The following CCSER2 variants were observed in gnomAD, a reference collection of about 807,000 sequenced individuals.
CCSER2 encodes serine-rich coiled-coil domain-containing protein 2.
Under a neutral mutation model 92.3 loss-of-function variants are expected in CCSER2, and 46 were observed. That is an observed-to-expected ratio of 0.50 (90% CI 0.39 to 0.64). CCSER2 has a LOEUF of 0.64. Ranked by LOEUF, CCSER2 falls within the 30% of genes least tolerant of loss-of-function variation. The pLI is 0.00. For missense variants in CCSER2, 1,244 were observed against 1,238.9 expected (o/e 1.00, Z -0.06); for synonymous variants, 433 against 431.4 (o/e 1.00, Z -0.04).
chr10:84,403,915 A>G (rs1176194584), intron 3 of CCSER2, among the ~76,000 whole-genome samples: 1 of 152,228 alleles, frequency 6.6e-6, no homozygotes, highest in Admixed American at 6.5e-5. Context: ...GAAGATAACA[A>G]ATGAGAGACA....
rs1334156126 is a variant in CCSER2 at position 84,372,312 on chromosome 10, T to C, written c.1260T>C (p.Asp420=). The change falls in exon 2 of 10, where the codon GAT becomes GAC. Residue 420 remains aspartate, a synonymous_variant. Transcript: ENST00000372088. ...LSEDFSDDFI[D]IEDSNRTRIT... ...AAGACTTTAGTGATGATTTTATAGA[T>C]ATAGAAGACTCCAACAGAACTAGAA... is the stretch of plus-strand genomic sequence containing the variant. The C allele has an allele frequency of 1.9e-6, 3 of 1,612,394 alleles. No homozygotes were observed. The highest frequency in any genetic ancestry group is 1.7e-5 in the Admixed American group (1 of 59,856).
chr10:84,340,323 C>A (rs1483309058), intron 1 of CCSER2, among the ~76,000 whole-genome samples: 1 of 152,110 alleles, frequency 6.6e-6, no homozygotes, highest in Non-Finnish European at 1.5e-5. Context: ...GTTTTCGTGA[C>A]AGGTTGCTCT....
chr10:84,455,931 T>C, intron 6 of CCSER2: 1 of 674,678 alleles, frequency 1.5e-6, no homozygotes, highest in South Asian at 1.4e-5. Context: ...TGCATCTTGT[T>C]CTGGATTTCT....
intron 9 of CCSER2, among the ~76,000 whole-genome samples, chr10:84,484,497 G>GTGTGTA (rs143021923): frequency 0.059 from 8,961 of 151,798 alleles, 364 homozygotes; most frequent in Admixed American, 0.1. Flanking sequence ...GCACGTGTGT[G>GTGTGTA]TGTGTGTGTG....
At chr10:84,444,762 C>A (rs1844803922) in intron 6 of CCSER2, among the ~76,000 whole-genome samples, 1 of 152,174 alleles carries the variant, frequency 6.6e-6, no homozygotes, top group African/African-American at 2.4e-5. Context: ...TCTCCCTGCA[C>A]ACAAAATTTT....
chr10:84,484,489 A>ATGTG (rs201586953), intron 9 of CCSER2, among the ~76,000 whole-genome samples: 27 of 116,782 alleles, frequency 2.3e-4, no homozygotes, highest in African/African-American at 8.2e-4. Context: ...GTGTGCATGC[A>ATGTG]CGTGTGTGTG....
chr10:84,468,633 A>G (rs1359147762), intron 7 of CCSER2, among the ~76,000 whole-genome samples: 1 of 152,192 alleles, frequency 6.6e-6, no homozygotes, highest in Non-Finnish European at 1.5e-5. Context: ...CACAGTCCGA[A>G]CCTACTGGTG....
chr10:84,398,137 G>T (rs1023183945), intron 3 of CCSER2, among the ~76,000 whole-genome samples: 1 of 152,098 alleles, frequency 6.6e-6, no homozygotes, highest in African/African-American at 2.4e-5. Flanking sequence ...CTGGAGACTC[G>T]AGGGAAGAAT....
intron 7 of CCSER2, among the ~76,000 whole-genome samples, chr10:84,469,841 C>G (rs929156927): frequency 3.3e-5 from 5 of 152,006 alleles, no homozygotes; most frequent in African/African-American, 1.2e-4. Flanking sequence ...AAGAATCTTC[C>G]TTGTTACCCT....
chr10:84,473,970 G>A (rs1024833688), intron 8 of CCSER2, among the ~76,000 whole-genome samples: 5 of 152,008 alleles, frequency 3.3e-5, no homozygotes, highest in African/African-American at 1.2e-4. Flanking sequence ...ATAAAAATAC[G>A]TTGACAGTAT....
At chr10:84,426,710 T>C (rs1406237717) in intron 5 of CCSER2, among the ~76,000 whole-genome samples, 2 of 152,142 alleles carry the variant, frequency 1.3e-5, no homozygotes, top group East Asian at 1.9e-4. Flanking sequence ...AAAGAAATAA[T>C]GGAAGAAAAA....
At chr10:84,458,476 C>T (rs575806810) in intron 6 of CCSER2, among the ~76,000 whole-genome samples, 1 of 152,266 alleles carries the variant, frequency 6.6e-6, no homozygotes, top group South Asian at 2.1e-4. Flanking sequence ...ACTCTTCCAA[C>T]TTTCTCTTTT....
chr10:84,483,827 C>T (rs1847603018), intron 9 of CCSER2, among the ~76,000 whole-genome samples: 2 of 142,994 alleles, frequency 1.4e-5, no homozygotes, highest in African/African-American at 2.6e-5. Flanking sequence ...CTCTCTCTTG[C>T]CCAGGCTCAA....
Position 84,391,522 on chromosome 10 carries a change from C to T in CCSER2, c.1614+17707C>T, listed in dbSNP as rs117274201. Reference sequence around the variant, plus strand: ...ATTTCATGCCAATACTGGGAATCAACCCAAATCCAGAATTCATTTCAGTCT... The same window carrying T: ...ATTTCATGCCAATACTGGGAATCAATCCAAATCCAGAATTCATTTCAGTCT... On this transcript the variant is annotated intron_variant, in intron 3 of 9. Coordinates refer to ENST00000372088, the MANE Select transcript of CCSER2 (RefSeq NM_001284240.2). The T allele has an allele frequency of 3.6e-4, 547 of 1,511,464 alleles. 2 individuals are homozygous for T. Among genetic ancestry groups the T allele is most frequent in the East Asian group, 3.3e-3 (146 of 44,370 alleles). The allele number at this position is 1,511,464 out of a possible 1,614,324, so 93.6% of individuals were successfully genotyped here.
intron 6 of CCSER2, among the ~76,000 whole-genome samples, chr10:84,463,694 C>T (rs549347041): frequency 2.2e-4 from 33 of 152,274 alleles, no homozygotes; most frequent in African/African-American, 7.9e-4. Flanking sequence ...ATATAGTATC[C>T]GTTATTTACT....
intron 1 of CCSER2, among the ~76,000 whole-genome samples, chr10:84,359,093 A>G (rs1183556093): frequency 6.6e-6 from 1 of 152,318 alleles, no homozygotes; most frequent in African/African-American, 2.4e-5. Context: ...AAGACCAGGA[A>G]TATCTAATTT....
At position 84,438,726 on chromosome 10, in the gene CCSER2, T is replaced by C; in HGVS notation, c.2064+19T>C. ...GCATCAGGTGAGTACATAATGAACA[T>C]TTCCAGCTCTGATATTTTGAATTGC... On this transcript the variant is annotated intron_variant, in intron 6 of 9. Coordinates refer to ENST00000372088, the MANE Select transcript of CCSER2 (RefSeq NM_001284240.2). 6.9e-7 allele frequency: 1 copy of C among 1,452,040 alleles called. No individual in the cohort carries two copies. The highest frequency in any genetic ancestry group is 1.4e-5 in the South Asian group (1 of 70,922). The allele number at this position is 1,452,040 out of a possible 1,614,324, so 89.9% of individuals were successfully genotyped here.
At position 84,514,731 on chromosome 10, in the gene CCSER2, A is replaced by C. The variant is rs986549573; in HGVS notation, c.*464A>C. On this transcript the variant is annotated 3_prime_UTR_variant, in exon 10 of 10. Transcript: ENST00000372088. ...ATGGAAGATGGTAGTCTGTAAGCAG[A>C]GTTCTGGCCAGTGTTTTGTATATTT... 1.9e-4 allele frequency: 31 copies of C among 159,098 alleles called. No individual in the cohort carries two copies. Among genetic ancestry groups the C allele is most frequent in the African/African-American group, 7.2e-4 (30 of 41,622 alleles). The allele number at this position is 159,098 out of a possible 1,614,324, so 9.9% of individuals were successfully genotyped here.
chr10:84,457,264 A>ATTATATATAATATG (rs1845708311), intron 6 of CCSER2, among the ~76,000 whole-genome samples: 1 of 27,976 alleles, frequency 3.6e-5, no homozygotes, highest in Non-Finnish European at 5.7e-5. Flanking sequence ...TATAAAATAT[A>ATTATATATAATATG]TTATATATAA....
Sources: gnomAD v4.1 joint callset for allele counts (sites outside exome capture counted in the v4.1 genomes callset) on GRCh38, gnomAD v4.1.1 for gene constraint, MANE v1.5 for transcripts, NCBI Gene and HGNC (gene_info 2026-07-23, HGNC 2026-07-21) for gene names.